The following SLF1 variants were observed in gnomAD, a reference collection of about 807,000 sequenced individuals.
SLF1 encodes SMC5/6 complex localization factor 1.
In SLF1, 105 loss-of-function variants were observed where a neutral mutation model predicts 123.0. The ratio of observed to expected loss-of-function variants is 0.85; its 90% confidence interval spans 0.73 to 1.00. SLF1 has a LOEUF of 1.00. Among genes scored for constraint, SLF1 ranks in the 50% least tolerant of loss-of-function variants. SLF1 has a pLI of 0.00. For missense variants in SLF1, 1,239 were observed against 1,223.0 expected (o/e 1.01, Z -0.20); for synonymous variants, 434 against 406.6 (o/e 1.07, Z -0.81).
In SLF1 at chr5:94,651,815, T is replaced by G. The variant is rs1232124487; in HGVS notation, c.852T>G (p.Asn284Lys). The G allele has an allele frequency of 6.7e-7, 1 of 1,491,816 alleles. No individual in the cohort carries two copies. The highest frequency in any genetic ancestry group is 9.0e-7 in the Non-Finnish European group (1 of 1,109,700). 92.4% of individuals were successfully genotyped at this position (1,491,816 alleles called of 1,614,324 possible). Reference sequence around the variant, plus strand: ...ATTTGAAATTTGTTAAAATGAGAAATACCTTTGGAAGCCATACATATGAAA... The same window carrying G: ...ATTTGAAATTTGTTAAAATGAGAAAGACCTTTGGAAGCCATACATATGAAA... Reference protein sequence around the residue: ...SKDLKFVKMRNTFGSHTYENQ... With the variant: ...SKDLKFVKMRKTFGSHTYENQ... The change falls in exon 7 of 21, where the codon AAT becomes AAG. Residue 284 changes from asparagine (N) to lysine (K), a missense_variant. Asn to Lys is a moderately conservative substitution (Grantham distance 94). Coordinates refer to ENST00000265140, the MANE Select transcript of SLF1 (RefSeq NM_032290.4).
At chr5:94,664,404 CCTG>C in intron 11 of SLF1, among the ~76,000 whole-genome samples, 1 of 152,304 alleles carries the variant, frequency 6.6e-6, no homozygotes, top group Middle Eastern at 3.4e-3. Context: ...AAGTAGTCCC[CCTG>C]CTTCAGCCTC....
intron 3 of SLF1, 80 bp from the exon 4 acceptor site, chr5:94,630,423 A>C: frequency 7.1e-7 from 1 of 1,416,468 alleles, no homozygotes; most frequent in Non-Finnish European, 9.4e-7. Context: ...AAAAAGGTTG[A>C]CTTTTATATT....
intron 1 of SLF1, among the ~76,000 whole-genome samples, chr5:94,623,484 T>G (rs192764542): frequency 1.8e-3 from 270 of 152,248 alleles, no homozygotes; most frequent in African/African-American, 5.8e-3. Flanking sequence ...TTTTTTGCTT[T>G]TTTTTTCCCT....
chr5:94,686,703 C>G lies in SLF1; in HGVS notation c.2106C>G (p.Leu702=). ...QSSGSVSSEP[L]SLQKMVYSYL... is the part of the protein sequence containing the mutation. Reference sequence around the variant, plus strand: ...CTGGCAGTGTTTCTTCTGAGCCACTCTCTCTTCAGAAAATGGTAAGTACCT... The same window carrying G: ...CTGGCAGTGTTTCTTCTGAGCCACTGTCTCTTCAGAAAATGGTAAGTACCT... The change falls in exon 16 of 21, where the codon CTC becomes CTG. Residue 702 remains leucine, a synonymous_variant. Coordinates refer to ENST00000265140, the MANE Select transcript of SLF1 (RefSeq NM_032290.4). 2.5e-6 allele frequency: 4 copies of G among 1,613,896 alleles called. No homozygotes were observed. The highest frequency in any genetic ancestry group is 2.7e-5 in the African/African-American group (2 of 75,046).
chr5:94,624,240 T>C (rs1001923570), intron 1 of SLF1, among the ~76,000 whole-genome samples: 1 of 152,196 alleles, frequency 6.6e-6, no homozygotes, highest in Non-Finnish European at 1.5e-5. Context: ...TTCCCTTTCC[T>C]CCGCATGTTT....
chr5:94,689,645 T>C (rs375867939), intron 18 of SLF1, 39 bp downstream of exon 18: 70 of 1,565,110 alleles, frequency 4.5e-5, no homozygotes, highest in South Asian at 8.1e-5. Context: ...CTAAGAACTT[T>C]TCATGGTTAT....
chr5:94,664,851 C>A (rs1749558505), intron 11 of SLF1, among the ~76,000 whole-genome samples: 2 of 152,168 alleles, frequency 1.3e-5, no homozygotes, highest in African/African-American at 4.8e-5. Context: ...CTGAAATCTG[C>A]ACATAATCAA....
At chr5:94,690,156 A>G (rs1055739943) in intron 18 of SLF1, among the ~76,000 whole-genome samples, 3 of 152,224 alleles carry the variant, frequency 2.0e-5, no homozygotes, top group South Asian at 2.1e-4. Flanking sequence ...AGAATAGCAT[A>G]ATAATTCACT....
In SLF1 at chr5:94,678,781, A is replaced by G. The variant is rs760469442; in HGVS notation, c.1828-27A>G. ...GAAATTCAATATTGTAATATATTTT[A>G]GTAATTTTTTTGTATCTTAATGTTA... On this transcript the variant is annotated intron_variant, in intron 14 of 20. Coordinates refer to ENST00000265140, the MANE Select transcript of SLF1 (RefSeq NM_032290.4). 2.6e-5 allele frequency: 41 copies of G among 1,566,962 alleles called. 1 individual carries two copies. Among genetic ancestry groups the G allele is most frequent in the Non-Finnish European group, 2.9e-5 (33 of 1,145,928 alleles).
chr5:94,650,463 C>A (rs975647410), intron 6 of SLF1, among the ~76,000 whole-genome samples: 1 of 151,030 alleles, frequency 6.6e-6, no homozygotes. Context: ...CCTGGGTTCA[C>A]GCCATTCTCC....
intron 14 of SLF1, among the ~76,000 whole-genome samples, chr5:94,676,197 A>T (rs1330890635): frequency 6.6e-6 from 1 of 152,200 alleles, no homozygotes; most frequent in East Asian, 1.9e-4. Context: ...TATGGACATA[A>T]TCAGTTTACT....
At chr5:94,661,297 C>T (rs1179198912) in intron 9 of SLF1, among the ~76,000 whole-genome samples, 2 of 149,974 alleles carry the variant, frequency 1.3e-5, no homozygotes, top group Admixed American at 6.6e-5. Flanking sequence ...TTTTCCCATT[C>T]GTAGTGGGTA....
At chr5:94,688,400 G>A (rs1157930059) in intron 16 of SLF1, 106 bp from the exon 17 acceptor site, 2 of 1,192,578 alleles carry the variant, frequency 1.7e-6, no homozygotes, top group South Asian at 1.6e-5. Flanking sequence ...CCATAGTGAT[G>A]CAACCAAGAA....
intron 10 of SLF1, 94 bp downstream of exon 10, chr5:94,662,445 C>A (rs1749234393): frequency 6.6e-6 from 7 of 1,056,766 alleles, no homozygotes; most frequent in East Asian, 2.9e-5. Flanking sequence ...GTGTTGTATG[C>A]ACAATAAAAG....
rs2152480176 is a variant in SLF1, at chr5:94,653,351, A to G, written c.962A>G (p.Asn321Ser). The G allele has an allele frequency of 2.0e-6, 3 of 1,530,992 alleles. No homozygotes were observed. The highest frequency in any genetic ancestry group is 2.5e-5 in the South Asian group (2 of 79,728). The allele number at this position is 1,530,992 out of a possible 1,614,324, so 94.8% of individuals were successfully genotyped here. ...AAACGCAAGAAAGGAAAAGAAAGCA[A>G]TTGCAAGAAAGGCGTTGAACATGAA... ...RRKRKKGKES[N>S]CKKGVEHEKI... Residue 321 changes from asparagine (N) to serine (S), a missense_variant, in exon 8 of 21, where the codon AAT (asparagine) becomes AGT (serine). Asn to Ser is a conservative substitution (Grantham distance 46, BLOSUM62 1). Coordinates refer to ENST00000265140, the MANE Select transcript of SLF1 (RefSeq NM_032290.4).
Position 94,649,454 on chromosome 5 carries a change from A to G in SLF1, c.595A>G (p.Lys199Glu), listed in dbSNP as rs1365671405. 2 of 1,493,648 alleles carry G rather than the reference A, an allele frequency of 1.3e-6. No homozygotes were observed. Among genetic ancestry groups the G allele is most frequent in the Admixed American group, 4.2e-5 (2 of 47,476 alleles). The allele number at this position is 1,493,648 out of a possible 1,614,324, so 92.5% of individuals were successfully genotyped here. Reference sequence around the variant, plus strand: ...CTAAACCATTTTTACATACATACAGAAAGAAATTCAGAATGATGAAGATTC... The same window carrying G: ...CTAAACCATTTTTACATACATACAGGAAGAAATTCAGAATGATGAAGATTC... ...IQYLGDFLLE[K>E]EIQNDEDSQT... is the part of the protein sequence containing the mutation. The change falls in exon 6 of 21, where the codon AAA becomes GAA. Residue 199 changes from lysine (K) to glutamate (E), a missense_variant and splice_region_variant. Physicochemically the swap from Lys to Glu is moderately conservative, Grantham distance 56 (BLOSUM62 1). Transcript: ENST00000265140.
intron 6 of SLF1, among the ~76,000 whole-genome samples, chr5:94,650,464 G>A (rs1747565216): frequency 1.3e-5 from 2 of 150,626 alleles, no homozygotes; most frequent in South Asian, 2.1e-4. Flanking sequence ...CTGGGTTCAC[G>A]CCATTCTCCT....
At chr5:94,685,279 A>G (rs924570263) in intron 15 of SLF1, among the ~76,000 whole-genome samples, 7 of 152,242 alleles carry the variant, frequency 4.6e-5, no homozygotes, top group South Asian at 2.1e-4. Flanking sequence ...TTTTAAAACT[A>G]TATTTTAACT....
In SLF1 at chr5:94,694,853, G is replaced by A. The variant is rs566000689; in HGVS notation, c.2718G>A (p.Arg906=). The A allele has an allele frequency of 7.0e-6, 11 of 1,581,254 alleles. 1 individual carries two copies. The South Asian group carries it at 1.3e-4, about 19-fold the overall frequency. Residue 906 remains arginine (R), a synonymous_variant, in exon 21 of 21, where the codon AGG becomes AGA. Transcript: ENST00000265140. ...CAGGCCCAGTGCTTTTACAACAGAG[G>A]AATGCTAAGGGAGAATTGCCCTTGG... ...QHGGPVLLQQ[R]NAKGELPLDY... is the part of the protein sequence containing the mutation.
Sources: gnomAD v4.1 joint callset for allele counts (sites outside exome capture counted in the v4.1 genomes callset) on GRCh38, gnomAD v4.1.1 for gene constraint, MANE v1.5 for transcripts, NCBI Gene and HGNC (gene_info 2026-07-23, HGNC 2026-07-21) for gene names.